The following THOC2 variants were observed in gnomAD, a reference collection of about 807,000 sequenced individuals.
THOC2 encodes THO complex 2.
A neutral mutation model predicts 128.4 loss-of-function variants in THOC2; 10 were observed. That is an observed-to-expected ratio of 0.08 (90% CI 0.05 to 0.13). The LOEUF is 0.13. THOC2 is among the 10% of genes least tolerant of loss of function. The probability of loss-of-function intolerance (pLI) is 1.00; values close to 1 mark genes in which losing one functional copy is unlikely to be tolerated. For synonymous variants in THOC2, 393 were observed against 396.9 expected, an observed-to-expected ratio of 0.99 and a Z score of 0.12; for missense variants, 535 against 1,155.7, an observed-to-expected ratio of 0.46 and a Z score of 7.79.
In THOC2 at chrX:123,622,740, A is replaced by G; in HGVS notation, c.3785+18T>C. ...TAAAAAGAATTTAGAATTATGACAC[A>G]TGGCACAGTGTTCCTACCTGTTAGA... On this transcript the variant is annotated intron_variant, in intron 30 of 38. Transcript: ENST00000245838. The G allele has an allele frequency of 9.9e-7, 1 of 1,008,588 alleles. No homozygotes were observed. 83.1% of individuals were successfully genotyped at this position (1,008,588 alleles called of 1,213,427 possible).
intron 4 of THOC2, among the ~76,000 whole-genome samples, chrX:123,701,183 T>C (rs2050687388): frequency 9.0e-6 from 1 of 111,398 alleles, no homozygotes; most frequent in South Asian, 3.8e-4. Context: ...TGAAACCCCA[T>C]CTCTACTAAA....
Position 123,633,341 on chromosome X carries a change from G to C in THOC2, c.2137-301C>G, listed in dbSNP as rs771214869. On this transcript the variant is annotated intron_variant, in intron 20 of 38. Coordinates refer to ENST00000245838, the MANE Select transcript of THOC2 (RefSeq NM_001081550.2). ...TCAACAGAGCAACTAAGACTTAAGG[G>C]AGTGAGGATATCAAGGATCATAGAA... 5.4e-5 allele frequency among the ~76,000 whole-genome samples: 6 copies of C among 112,010 alleles called. No individual in the cohort carries two copies. In the East Asian group the frequency reaches 1.7e-3, roughly 31 times the overall value.
chrX:123,688,739 G>A (rs1049482599), intron 7 of THOC2, among the ~76,000 whole-genome samples: 1 of 111,112 alleles, frequency 9.0e-6, no homozygotes, highest in Admixed American at 9.7e-5. Context: ...TTTCACAGAT[G>A]TATACATATG....
At chrX:123,601,829 G>C (rs1439507918) in intron 38 of THOC2, 1 of 111,672 alleles carries the variant, frequency 9.0e-6, no homozygotes, top group Non-Finnish European at 1.9e-5. Context: ...GCAAAGAAAA[G>C]TAACCTATTT....
chrX:123,635,922 A>G (rs1193339218), intron 19 of THOC2, among the ~76,000 whole-genome samples, 157 bp downstream of exon 19: 1 of 112,311 alleles, frequency 8.9e-6, no homozygotes, highest in East Asian at 2.8e-4. Flanking sequence ...TTAAGTTATC[A>G]TTTAACTAAA....
At chrX:123,677,671 C>T (rs1258872155) in intron 8 of THOC2, among the ~76,000 whole-genome samples, 1 of 110,242 alleles carries the variant, frequency 9.1e-6, no homozygotes, top group Non-Finnish European at 1.9e-5. Context: ...GAGTTCAAGA[C>T]CAGCCTGGCC....
intron 34 of THOC2, 134 bp from the exon 35 acceptor site, chrX:123,613,842 G>T: frequency 1.4e-6 from 1 of 712,472 alleles, no homozygotes; most frequent in Non-Finnish European, 2.1e-6. Context: ...TTGGTAAAAT[G>T]GCATGAAAGA....
At chrX:123,620,877 T>C (rs1479128150) in intron 32 of THOC2, 30 bp downstream of exon 32, 3 of 1,192,948 alleles carry the variant, frequency 2.5e-6, no homozygotes, top group South Asian at 1.8e-5. Context: ...GAGCCTAACA[T>C]GGACGCTGCC....
intron 30 of THOC2, among the ~76,000 whole-genome samples, 168 bp from the exon 31 acceptor site, chrX:123,621,755 A>G (rs766388358): frequency 2.1e-4 from 24 of 112,487 alleles, no homozygotes; most frequent in African/African-American, 7.7e-4. Context: ...AAAAGGAAGA[A>G]GTAATGGTCG....
At chrX:123,717,403 A>G (rs1367758516) in intron 1 of THOC2, among the ~76,000 whole-genome samples, 2 of 111,244 alleles carry the variant, frequency 1.8e-5, no homozygotes, top group Non-Finnish European at 3.8e-5. Flanking sequence ...CAAGAATGGC[A>G]AAAAGAGAAA....
chrX:123,695,185 C>T (rs897197133), intron 7 of THOC2, among the ~76,000 whole-genome samples: 1 of 111,305 alleles, frequency 9.0e-6, no homozygotes, highest in African/African-American at 3.3e-5. Flanking sequence ...TAAGATACAA[C>T]TAGTGAGGCA....
intron 20 of THOC2, among the ~76,000 whole-genome samples, chrX:123,633,671 TG>T (rs1233174040): frequency 8.9e-6 from 1 of 112,023 alleles, no homozygotes; most frequent in Non-Finnish European, 1.9e-5. Flanking sequence ...CCCAAAATGT[TG>T]GGATTATAAG....
At chrX:123,719,297 T>C (rs777806676) in intron 1 of THOC2, among the ~76,000 whole-genome samples, 1 of 110,319 alleles carries the variant, frequency 9.1e-6, no homozygotes, top group African/African-American at 3.3e-5. Context: ...TCAAAATCAT[T>C]AATAACTAGG....
chrX:123,673,771 G>A (rs759086297), intron 8 of THOC2, among the ~76,000 whole-genome samples: 5 of 112,214 alleles, frequency 4.5e-5, no homozygotes, highest in African/African-American at 6.5e-5. Context: ...CCATTGTAAC[G>A]CAGTTAACTG....
At chrX:123,637,751 C>T (rs2047731544) in intron 18 of THOC2, among the ~76,000 whole-genome samples, 1 of 110,891 alleles carries the variant, frequency 9.0e-6, no homozygotes. Flanking sequence ...CAGAGTGAGA[C>T]TCCATCTCGA....
intron 3 of THOC2, among the ~76,000 whole-genome samples, chrX:123,705,475 A>G (rs2050889021): frequency 9.0e-6 from 1 of 111,595 alleles, no homozygotes; most frequent in South Asian, 3.7e-4. Context: ...ATAGAGTAAG[A>G]CAAGAGTTTT....
Position 123,636,062 on chromosome X carries a change from T to C in THOC2, c.2018+17A>G. On this transcript the variant is annotated intron_variant, in intron 19 of 38. Transcript: ENST00000245838. ...GTACTCTATTGAATTTCATTATGTA[T>C]AATTTGCTATGAATACCTTTTGCCC... 6.0e-6 allele frequency: 7 copies of C among 1,167,370 alleles called. No homozygotes were observed. Among genetic ancestry groups the C allele is most frequent in the African/African-American group, 1.8e-5 (1 of 56,860 alleles).
intron 6 of THOC2, 108 bp from the exon 7 acceptor site, chrX:123,696,262 C>A: frequency 2.0e-6 from 1 of 505,315 alleles, no homozygotes; most frequent in East Asian, 3.8e-5. Flanking sequence ...CTACAACAAT[C>A]CTAAGAATAG....
intron 2 of THOC2, among the ~76,000 whole-genome samples, chrX:123,709,434 A>G (rs1451302526): frequency 9.0e-6 from 1 of 110,594 alleles, no homozygotes. Flanking sequence ...TACTAAAAAT[A>G]CAAAAAATTA....
Sources: allele counts gnomAD v4.1 joint callset (sites outside exome capture counted in the v4.1 genomes callset), GRCh38; gene constraint gnomAD v4.1.1; transcripts MANE v1.5; gene names NCBI Gene and HGNC (gene_info 2026-07-23, HGNC 2026-07-21).